PRKCE: variants seen among roughly 807,000 people sequenced by gnomAD.
PRKCE encodes the protein protein kinase C epsilon type.
Under a neutral mutation model 85.4 loss-of-function variants are expected in PRKCE, and 16 were observed. The ratio of observed to expected loss-of-function variants is 0.19; its 90% CI spans 0.13 to 0.28. The LOEUF (loss-of-function observed/expected upper bound fraction) is 0.28. Ranked by LOEUF, PRKCE falls within the 10% of genes least tolerant of loss-of-function variation. The probability of loss-of-function intolerance (pLI) is 1.00; values close to 1 mark genes in which losing one functional copy is unlikely to be tolerated. For synonymous variants in PRKCE, 388 were observed against 371.5 expected, an observed-to-expected ratio of 1.04 and a Z score of -0.51; for missense variants, 573 against 975.2, an observed-to-expected ratio of 0.59 and a Z score of 5.49.
intron 11 of PRKCE, among the ~76,000 whole-genome samples, chr2:46,119,149 C>T (rs567394310): frequency 6.6e-6 from 1 of 152,162 alleles, no homozygotes; most frequent in African/African-American, 2.4e-5. Context: ...TTTCTCTAGT[C>T]TTGACCTAAC....
At chr2:45,916,004 A>C (rs1489177267) in intron 2 of PRKCE, among the ~76,000 whole-genome samples, 1 of 152,080 alleles carries the variant, frequency 6.6e-6, no homozygotes, top group East Asian at 1.9e-4. Context: ...CTGGGTAGGG[A>C]GCCTTGAAAA....
Position 45,745,401 on chromosome 2 carries a change from G to C in PRKCE, c.348+92953G>C, listed in dbSNP as rs150853881. On this transcript the variant is annotated intron_variant, in intron 1 of 14. Transcript: ENST00000306156. ...CTTCTTTCCCTATCTGCTCTGTTGT[G>C]CTTCGCTTTCTCATCCCTGTTCTCA... Among the ~76,000 whole-genome samples the C allele has an allele frequency of 3.8e-3, 584 of 152,208 alleles. 9 individuals are homozygous for C. Among genetic ancestry groups the C allele is most frequent in the East Asian group, 2.7e-3 (14 of 5,174 alleles).
At chr2:46,032,756 C>T (rs1041075741) in intron 10 of PRKCE, among the ~76,000 whole-genome samples, 6 of 152,194 alleles carry the variant, frequency 3.9e-5, no homozygotes, top group African/African-American at 1.4e-4. Flanking sequence ...TAATCCTCTC[C>T]ATAATTTTCT....
At chr2:46,165,152 T>G (rs1678211140) in intron 14 of PRKCE, among the ~76,000 whole-genome samples, 1 of 152,200 alleles carries the variant, frequency 6.6e-6, no homozygotes, top group Non-Finnish European at 1.5e-5. Context: ...CAACATCCCT[T>G]TGTACTAACC....
chr2:45,990,297 A>T (rs73926143), intron 6 of PRKCE, among the ~76,000 whole-genome samples: 1 of 152,220 alleles, frequency 6.6e-6, no homozygotes, highest in Non-Finnish European at 1.5e-5. Context: ...GCTTCCTTCA[A>T]TGCAAACAAG....
At chr2:45,879,361 A>G (rs1224211536) in intron 2 of PRKCE, among the ~76,000 whole-genome samples, 1 of 151,886 alleles carries the variant, frequency 6.6e-6, no homozygotes, top group East Asian at 1.9e-4. Context: ...AAAATCCCCC[A>G]CATTTACTAT....
At chr2:45,733,653 G>C (rs1370041769) in intron 1 of PRKCE, among the ~76,000 whole-genome samples, 1 of 152,180 alleles carries the variant, frequency 6.6e-6, no homozygotes, top group African/African-American at 2.4e-5. Context: ...AGTCAGCCTA[G>C]TGGCTGGCCT....
intron 1 of PRKCE, among the ~76,000 whole-genome samples, chr2:45,704,214 A>G (rs964419232): frequency 3.9e-5 from 6 of 152,232 alleles, no homozygotes; most frequent in African/African-American, 1.2e-4. Context: ...AAAAGAATCT[A>G]TATGTGCTTC....
intron 10 of PRKCE, among the ~76,000 whole-genome samples, chr2:46,014,647 G>A (rs933215710): frequency 6.6e-6 from 1 of 152,062 alleles, no homozygotes; most frequent in African/African-American, 2.4e-5. Context: ...AGTCTTTATT[G>A]TTAAGCATCT....
chr2:46,164,277 G>C (rs3768736), intron 14 of PRKCE, among the ~76,000 whole-genome samples: 84,766 of 152,068 alleles, frequency 0.56, 24,721 homozygotes, highest in East Asian at 0.87. Context: ...AGAAGGGAAA[G>C]GATCAAGTCT....
Position 45,998,157 on chromosome 2 carries a change from TATTCAGTTGATTAATGTTGCTGTTG to T in PRKCE, c.824-3218_824-3194del, listed in dbSNP as rs1347696698. ...TGAAGTTGTTGATAGATGTCAGTTA[TATTCAGTTGATTAATGTTGCTGTTG>T]ATTCAGTTGATTAATGTTGCTGTTG... On this transcript the variant is annotated intron_variant, in intron 6 of 14. Transcript: ENST00000306156. Among the ~76,000 whole-genome samples the T allele has an allele frequency of 1.5e-3, 231 of 152,346 alleles. 3 individuals carry two copies. Among genetic ancestry groups the T allele is most frequent in the African/African-American group, 5.0e-3 (206 of 41,576 alleles).
Position 46,076,515 on chromosome 2 carries a change from G to A in PRKCE, c.1438-9693G>A, listed in dbSNP as rs113434434. ...TATTTGAGTTTTATTGGGTGAGTCA[G>A]TTTGGCGCAGCTTTAGGTCACTCTA... On this transcript the variant is annotated intron_variant, in intron 10 of 14. Transcript: ENST00000306156. Among the ~76,000 whole-genome samples, 937 of 152,316 alleles carry A rather than the reference G, an allele frequency of 6.2e-3. 2 individuals are homozygous for A. Among genetic ancestry groups the A allele is most frequent in the Non-Finnish European group, 0.01 (703 of 68,022 alleles).
intron 2 of PRKCE, among the ~76,000 whole-genome samples, chr2:45,937,233 A>C (rs983051958): frequency 6.6e-6 from 1 of 152,284 alleles, no homozygotes; most frequent in East Asian, 1.9e-4. Context: ...AAAATTGGGG[A>C]GATTATAGCA....
intron 11 of PRKCE, among the ~76,000 whole-genome samples, chr2:46,128,349 T>C (rs965663615): frequency 6.6e-6 from 1 of 152,230 alleles, no homozygotes; most frequent in Non-Finnish European, 1.5e-5. Context: ...TGAAGAGCAA[T>C]TGGAGCTAAC....
intron 1 of PRKCE, among the ~76,000 whole-genome samples, chr2:45,716,712 AAGGAAGGAAGGAAGGAAGGAAAGT>A (rs140685081): frequency 0.34 from 49,895 of 147,290 alleles, 8,682 homozygotes; most frequent in South Asian, 0.44. Flanking sequence ...GGAAGGAAGG[AAGGAAGGAAGGAAGGAAGGAAAGT>A]AGGAAGGAAC....
chr2:45,669,500 C>T (rs578121084), intron 1 of PRKCE, among the ~76,000 whole-genome samples: 27 of 152,276 alleles, frequency 1.8e-4, no homozygotes, highest in African/African-American at 5.8e-4. Context: ...GTGCCTGGGA[C>T]TGGACTGAGC....
intron 1 of PRKCE, among the ~76,000 whole-genome samples, chr2:45,761,617 G>C (rs914524139): frequency 2.6e-5 from 4 of 152,116 alleles, no homozygotes; most frequent in Admixed American, 6.6e-5. Flanking sequence ...AGTGGATCTG[G>C]ACTTGGGCCC....
intron 1 of PRKCE, among the ~76,000 whole-genome samples, chr2:45,832,663 C>A (rs746809583): frequency 6.6e-6 from 1 of 152,162 alleles, no homozygotes; most frequent in South Asian, 2.1e-4. Flanking sequence ...CAGCTCACAA[C>A]GTGTTCTTTC....
At position 46,153,016 on chromosome 2, in the gene PRKCE, C is replaced by T. The variant is rs111792056; in HGVS notation, c.1920+1787C>T. Reference sequence around the variant, plus strand: ...TTTCCCTCACCTCATTCCTTCTCTCCCCTCTGCCCTTACTCTCCTCCCTCT... The same window carrying T: ...TTTCCCTCACCTCATTCCTTCTCTCTCCTCTGCCCTTACTCTCCTCCCTCT... On this transcript the variant is annotated intron_variant, in intron 13 of 14. Transcript: ENST00000306156. 3.1e-3 allele frequency among the ~76,000 whole-genome samples: 478 copies of T among 152,092 alleles called. 4 individuals carry two copies. The highest frequency in any genetic ancestry group is 0.011 in the African/African-American group (459 of 41,472).
Sources: allele counts gnomAD v4.1 joint callset (sites outside exome capture counted in the v4.1 genomes callset), GRCh38; gene constraint gnomAD v4.1.1; transcripts MANE v1.5; gene names NCBI Gene and HGNC (gene_info 2026-07-23, HGNC 2026-07-21).